Variants in UBE2Z observed in about 807,000 individuals in gnomAD.
UBE2Z encodes the protein ubiquitin conjugating enzyme E2 Z, also known as ubiquitin-conjugating enzyme E2 Z.
UBE2Z carries 10 observed loss-of-function variants against 32.6 expected under a neutral mutation model. The observed-to-expected ratio is 0.31, with a 90% CI of 0.19 to 0.52. The LOEUF (loss-of-function observed/expected upper bound fraction) is 0.52. UBE2Z is among the 20% of genes least tolerant of loss of function. UBE2Z has a pLI of 0.97. For missense variants in UBE2Z, 343 were observed against 480.9 expected, an observed-to-expected ratio of 0.71 and a Z score of 2.68; for synonymous variants, 183 against 190.8, an observed-to-expected ratio of 0.96 and a Z score of 0.34.
intron 6 of UBE2Z, among the ~76,000 whole-genome samples, chr17:48,924,983 G>A (rs1264920738): frequency 6.6e-6 from 1 of 151,568 alleles, no homozygotes; most frequent in Non-Finnish European, 1.5e-5. Context: ...GTCTTGCTTA[G>A]AAATGGGATA....
chr17:48,922,343 C>T (rs746500432), intron 5 of UBE2Z, among the ~76,000 whole-genome samples: 6 of 151,808 alleles, frequency 4.0e-5, no homozygotes, highest in East Asian at 1.9e-4. Flanking sequence ...GCCGAGATTG[C>T]GCCACTGTAT....
chr17:48,922,825 C>A (rs758585154), intron 5 of UBE2Z, 22 bp from the exon 6 acceptor site: 2 of 1,598,970 alleles, frequency 1.3e-6, no homozygotes, highest in Non-Finnish European at 8.6e-7. Context: ...TTCTCACTTA[C>A]ACTTTTCTGC....
intron 3 of UBE2Z, among the ~76,000 whole-genome samples, chr17:48,914,197 T>A (rs2040702926): frequency 6.6e-6 from 1 of 151,826 alleles, no homozygotes; most frequent in Admixed American, 6.6e-5. Flanking sequence ...TGTGGACATC[T>A]TCTCGCATAT....
chr17:48,910,557 A>G, intron 1 of UBE2Z: 3 of 405,968 alleles, frequency 7.4e-6, no homozygotes, highest in East Asian at 7.4e-5. Flanking sequence ...GGGATCTCTG[A>G]TTTTTTTCCT....
At chr17:48,923,340 A>ATT (rs1226105366) in intron 6 of UBE2Z, among the ~76,000 whole-genome samples, 5 of 148,182 alleles carry the variant, frequency 3.4e-5, no homozygotes, top group Non-Finnish European at 5.9e-5. Context: ...AAAAAAAAAA[A>ATT]AAAAAAATAG....
chr17:48,911,381 C>T (rs147591744), intron 2 of UBE2Z: 2 of 159,038 alleles, frequency 1.3e-5, no homozygotes, highest in East Asian at 3.6e-4. Flanking sequence ...GTATCCCTTC[C>T]ACCCCAAAGA....
Position 48,927,370 on chromosome 17 carries a change from G to T in UBE2Z, c.*236G>T. 1 of 509,276 alleles carries T rather than the reference G, an allele frequency of 2.0e-6. No individual in the cohort carries two copies. Among genetic ancestry groups the T allele is most frequent in the Non-Finnish European group, 3.5e-6 (1 of 282,380 alleles). 31.5% of individuals were successfully genotyped at this position (509,276 alleles called of 1,614,324 possible). The stretch of plus-strand genomic sequence containing the variant: ...TTCATCCATTCATCCCGTATCAGGG[G>T]CCAAGGTACCTTTACAGGAGCACCT... On this transcript the variant is annotated 3_prime_UTR_variant, in exon 7 of 7. Transcript: ENST00000360943.
chr17:48,925,323 G>A (rs115040687), intron 6 of UBE2Z, among the ~76,000 whole-genome samples: 1,709 of 151,632 alleles, frequency 0.011, 46 homozygotes, highest in African/African-American at 0.039. Context: ...TGGGAGACTT[G>A]GATAATTGAC....
intron 4 of UBE2Z, among the ~76,000 whole-genome samples, chr17:48,917,304 T>TA (rs1355581030): frequency 1.3e-5 from 2 of 152,066 alleles, no homozygotes; most frequent in African/African-American, 4.8e-5. Flanking sequence ...GACACCGTCT[T>TA]AAAAAAATAA....
At chr17:48,908,883 C>T (rs1215836134) in intron 1 of UBE2Z, 63 bp downstream of exon 1, 4 of 1,103,234 alleles carry the variant, frequency 3.6e-6, no homozygotes, top group African/African-American at 1.9e-5. Flanking sequence ...CCGCCCCCCA[C>T]CCTCTCCCAC....
chr17:48,918,144 G>A lies in UBE2Z; in HGVS notation c.690+1957G>A, dbSNP rs943520448. Among the ~76,000 whole-genome samples the A allele has an allele frequency of 2.0e-5, 3 of 151,602 alleles. No homozygotes were observed. In the South Asian group the frequency reaches 6.2e-4, roughly 32 times the overall value. On this transcript the variant is annotated intron_variant, in intron 4 of 6. Coordinates refer to ENST00000360943, the MANE Select transcript of UBE2Z (RefSeq NM_023079.5). ...GTAGAGAAGGGGTTTCACCATCTTG[G>A]CCAGGCTGGTTTCGAATTTCGGACC...
In UBE2Z at chr17:48,916,250, G is replaced by GTTTTTTTGT. The variant is rs1555580079; in HGVS notation, c.690+71_690+79dup. 3.7e-4 allele frequency: 194 copies of GTTTTTTTGT among 517,994 alleles called. 4 individuals are homozygous for GTTTTTTTGT. Among genetic ancestry groups the GTTTTTTTGT allele is most frequent in the Admixed American group, 5.5e-4 (11 of 19,950 alleles). 32.1% of individuals were successfully genotyped at this position (517,994 alleles called of 1,614,324 possible). A position where few individuals can be genotyped will look rare whatever the true frequency, so the allele number is the denominator to read the frequency against. On this transcript the variant is annotated intron_variant, in intron 4 of 6. Transcript: ENST00000360943. ...TTGTTTTTGTTTGTTTGGTTGGTTG[G>GTTTTTTTGT]TTTTTTTGTTTTTTTTTTTTTTTGA...
intron 4 of UBE2Z, among the ~76,000 whole-genome samples, chr17:48,919,935 C>T (rs945836007): frequency 6.6e-6 from 1 of 152,124 alleles, no homozygotes; most frequent in Non-Finnish European, 1.5e-5. Context: ...GTCCCACCAT[C>T]ATTCTTTCTG....
chr17:48,925,661 A>T (rs1182155067), intron 6 of UBE2Z, among the ~76,000 whole-genome samples: 1 of 152,178 alleles, frequency 6.6e-6, no homozygotes, highest in Non-Finnish European at 1.5e-5. Context: ...GTGATGAGGG[A>T]TGGGAGGGAG....
In UBE2Z at chr17:48,923,048, T is replaced by G. The variant is rs111271286; in HGVS notation, c.894+111T>G. On this transcript the variant is annotated intron_variant, in intron 6 of 6. Transcript: ENST00000360943. ...TAGAATGACACAGCTAAGCCTGGGT[T>G]CAGTGGCTCATGCCTGTAATCCCAG... 1.3e-4 allele frequency: 127 copies of G among 986,152 alleles called. 1 individual carries two copies. The highest frequency in any genetic ancestry group is 2.0e-4 in the African/African-American group (12 of 61,426). 61.1% of individuals were successfully genotyped at this position (986,152 alleles called of 1,614,324 possible).
chr17:48,911,321 T>G, intron 2 of UBE2Z: 1 of 171,198 alleles, frequency 5.8e-6, no homozygotes, highest in Non-Finnish European at 1.3e-5. Context: ...CTGAAGTGTT[T>G]GTGGTTAAAG....
In UBE2Z at chr17:48,908,741, C is replaced by T; in HGVS notation, c.238C>T (p.Leu80Phe). The T allele has an allele frequency of 6.7e-7, 1 of 1,487,766 alleles. No homozygotes were observed. Among genetic ancestry groups the T allele is most frequent in the African/African-American group, 1.5e-5 (1 of 68,760 alleles). The allele number at this position is 1,487,766 out of a possible 1,614,324, so 92.2% of individuals were successfully genotyped here. A position where few individuals can be genotyped will look rare whatever the true frequency, so the allele number is the denominator to read the frequency against. Residue 80 changes from leucine to phenylalanine, a missense_variant, in exon 1 of 7, where the codon CTT (leucine) becomes TTT (phenylalanine). Leu to Phe is a conservative substitution (Grantham distance 22). Around this residue, in one of 4 missense-constraint regions of UBE2Z, gnomAD observed 55 missense variants for 56.2 expected, o/e 0.98. Transcript: ENST00000360943. Reference sequence around the variant, plus strand: ...AGCCGCTGCCCACGGGGCCGCGCTGCTTAGCCACTGGGACCCCACGCTCAG... The same window carrying T: ...AGCCGCTGCCCACGGGGCCGCGCTGTTTAGCCACTGGGACCCCACGCTCAG... ...PSAAAHGAAL[L>F]SHWDPTLSSD...
rs772731933 is a variant in UBE2Z, at chr17:48,927,170, TC to T, written c.*39del. On this transcript the variant is annotated 3_prime_UTR_variant, in exon 7 of 7. Transcript: ENST00000360943. Reference sequence around the variant, plus strand: ...CATCTCCCCTTCCCCCACTCAAGAGTCCCAGCAGAATCCCTTCCCCCCACCC... The same window carrying T: ...CATCTCCCCTTCCCCCACTCAAGAGTCCAGCAGAATCCCTTCCCCCCACCC... 3.1e-6 allele frequency: 5 copies of T among 1,605,824 alleles called. 1 individual carries two copies. In the East Asian group the frequency reaches 1.1e-4, roughly 36 times the overall value.
chr17:48,920,613 G>A (rs977871909), intron 4 of UBE2Z, among the ~76,000 whole-genome samples: 2 of 152,104 alleles, frequency 1.3e-5, no homozygotes, highest in Non-Finnish European at 2.9e-5. Flanking sequence ...TTTGAGGATT[G>A]CTGGAGCCCA....
Sources: gnomAD v4.1 joint callset for allele counts (sites outside exome capture counted in the v4.1 genomes callset) on GRCh38, gnomAD v4.1.1 for gene constraint, gnomAD v4.1.1 regional missense constraint, MANE v1.5 for transcripts, NCBI Gene and HGNC (gene_info 2026-07-23, HGNC 2026-07-21) for gene names.